The following NDUFA5 variants were observed in gnomAD, a reference collection of about 807,000 sequenced individuals.
NDUFA5 encodes NADH dehydrogenase [ubiquinone] 1 alpha subcomplex subunit 5.
NDUFA5 carries 11 observed loss-of-function variants against 19.8 expected under a neutral mutation model. The ratio of observed to expected loss-of-function variants is 0.56; its 90% CI spans 0.35 to 0.92. The LOEUF (loss-of-function observed/expected upper bound fraction) is 0.92. Among genes scored for constraint, NDUFA5 ranks in the 40% least tolerant of loss-of-function variants. NDUFA5 has a pLI of 0.01. For synonymous variants in NDUFA5, 47 were observed against 46.8 expected (o/e 1.00, Z -0.01); for missense variants, 109 against 134.2 (o/e 0.81, Z 0.93).
the NDUFA5 span, among the ~76,000 whole-genome samples, chr7:123,597,448 A>G: frequency 2.0e-5 from 3 of 152,184 alleles, no homozygotes; most frequent in South Asian, 2.1e-4. Flanking sequence ...AAACGTTATC[A>G]TAAGTATCTA....
intron 2 of NDUFA5, among the ~76,000 whole-genome samples, chr7:123,552,959 C>A (rs1243214983): frequency 6.6e-6 from 1 of 152,192 alleles, no homozygotes; most frequent in Non-Finnish European, 1.5e-5. Flanking sequence ...AGCTTTCTTG[C>A]AATGTATTTT....
the NDUFA5 span, among the ~76,000 whole-genome samples, chr7:123,583,938 C>T: frequency 2.0e-5 from 3 of 151,888 alleles, no homozygotes; most frequent in Admixed American, 6.6e-5. Flanking sequence ...TTGATACAGT[C>T]GATCACTCCT....
rs755752487 is a variant in NDUFA5 at position 123,557,432 on chromosome 7, CCCA to C, written c.35_37del (p.Val12del). On this transcript the variant is annotated inframe_deletion, in exon 2 of 5. Transcript: ENST00000355749. Reference sequence around the variant, plus strand: ...GTGAGGAGTATTGCACACAGCCAATCCCACAAGGCCAGTGGTCTGTTCAAAAAC... The same window carrying C: ...GTGAGGAGTATTGCACACAGCCAATCCAAGGCCAGTGGTCTGTTCAAAAAC... 9 of 1,612,724 alleles carry C rather than the reference CCCA, an allele frequency of 5.6e-6. No individual in the cohort carries two copies. Among genetic ancestry groups the C allele is most frequent in the Non-Finnish European group, 7.6e-6 (9 of 1,179,392 alleles).
At chr7:123,584,198 C>T in the NDUFA5 span, among the ~76,000 whole-genome samples, 2 of 149,622 alleles carry the variant, frequency 1.3e-5, no homozygotes, top group African/African-American at 4.9e-5. Context: ...TCAAATTTTA[C>T]ATGATCCAAA....
the NDUFA5 span, among the ~76,000 whole-genome samples, chr7:123,575,246 G>A: frequency 6.6e-6 from 1 of 151,734 alleles, no homozygotes; most frequent in East Asian, 1.9e-4. Flanking sequence ...TCCCTACTAG[G>A]AAAAAACAAT....
At chr7:123,559,672 A>G (rs537320993), upstream of NDUFA5, among the ~76,000 whole-genome samples, 1 of 152,202 alleles carries the variant, frequency 6.6e-6, no homozygotes, top group East Asian at 1.9e-4. Context: ...CCTGGCCAAC[A>G]TGACAAAACC....
At chr7:123,574,161 CT>C in the NDUFA5 span, among the ~76,000 whole-genome samples, 3 of 150,912 alleles carry the variant, frequency 2.0e-5, no homozygotes, top group Non-Finnish European at 4.4e-5. Flanking sequence ...GACATCTCTT[CT>C]TTTTTTATAT....
chr7:123,570,356 G>T, the NDUFA5 span, among the ~76,000 whole-genome samples: 9 of 152,134 alleles, frequency 5.9e-5, no homozygotes, highest in African/African-American at 2.2e-4. Context: ...CTTATAAGTG[G>T]TGAAAGGTAG....
At chr7:123,545,386 T>C (rs954984750) in intron 4 of NDUFA5, among the ~76,000 whole-genome samples, 1 of 152,090 alleles carries the variant, frequency 6.6e-6, no homozygotes, top group Non-Finnish European at 1.5e-5. Flanking sequence ...TAAAAGAGTG[T>C]CAAACTCCAG....
chr7:123,587,142 G>A, the NDUFA5 span, among the ~76,000 whole-genome samples: 1 of 151,580 alleles, frequency 6.6e-6, no homozygotes, highest in African/African-American at 2.4e-5. Context: ...GATTGAATCT[G>A]TAGATCACTT....
chr7:123,597,570 G>A, the NDUFA5 span, among the ~76,000 whole-genome samples: 16 of 152,096 alleles, frequency 1.1e-4, no homozygotes, highest in East Asian at 2.1e-3. Flanking sequence ...GGTGGCTCAC[G>A]CCTGTAATCC....
chr7:123,563,862 A>AT, the NDUFA5 span, among the ~76,000 whole-genome samples: 1 of 152,174 alleles, frequency 6.6e-6, no homozygotes, highest in Non-Finnish European at 1.5e-5. Context: ...ATTGAGATTT[A>AT]TGTTTAGATG....
At chr7:123,556,640 A>G (rs971010815) in intron 2 of NDUFA5, 5 of 307,870 alleles carry the variant, frequency 1.6e-5, no homozygotes, top group African/African-American at 1.1e-4. Context: ...TAGGTCAATG[A>G]AGGTGAGAAA....
the NDUFA5 span, among the ~76,000 whole-genome samples, chr7:123,584,304 T>G: frequency 3.4e-5 from 2 of 58,166 alleles, no homozygotes; most frequent in East Asian, 7.5e-4. Context: ...CAGAAAGGCC[T>G]TGTCAAAAAA....
At chr7:123,594,962 G>C in the NDUFA5 span, among the ~76,000 whole-genome samples, 1 of 152,130 alleles carries the variant, frequency 6.6e-6, no homozygotes, top group African/African-American at 2.4e-5. Context: ...CTTCCCTGCC[G>C]CTTTGTTTAC....
At chr7:123,552,826 C>T (rs1798402405) in intron 2 of NDUFA5, among the ~76,000 whole-genome samples, 1 of 152,186 alleles carries the variant, frequency 6.6e-6, no homozygotes, top group Admixed American at 6.5e-5. Context: ...TAGCTCATTG[C>T]AACCTAGGTG....
At position 123,541,877 on chromosome 7, in the gene NDUFA5, T is replaced by C. The variant is rs955241667; in HGVS notation, c.*242A>G. The C allele has an allele frequency of 3.9e-6, 1 of 254,236 alleles. No individual in the cohort carries two copies. The highest frequency in any genetic ancestry group is 2.2e-5 in the African/African-American group (1 of 44,778). 15.7% of individuals were successfully genotyped at this position (254,236 alleles called of 1,614,324 possible). A position where few individuals can be genotyped will look rare whatever the true frequency, so the allele number is the denominator to read the frequency against. On this transcript the variant is annotated 3_prime_UTR_variant, in exon 5 of 5. Transcript: ENST00000355749. ...GAATTTTTCTTTAATAATTTTCAAATCTTCCCATGGCCTCTCTGTTCACAG... is the reference window on the plus strand; with the variant it reads ...GAATTTTTCTTTAATAATTTTCAAACCTTCCCATGGCCTCTCTGTTCACAG...
chr7:123,581,386 A>G, the NDUFA5 span, among the ~76,000 whole-genome samples: 1 of 151,208 alleles, frequency 6.6e-6, no homozygotes. Flanking sequence ...GGGAGTGAAA[A>G]CAAAACATGA....
upstream of NDUFA5, among the ~76,000 whole-genome samples, chr7:123,558,607 T>A (rs935412408): frequency 7.2e-5 from 11 of 152,040 alleles, no homozygotes; most frequent in Admixed American, 1.3e-4. Flanking sequence ...TTCTAAAAAG[T>A]CAGTAGGAGA....
Sources: allele counts gnomAD v4.1 joint callset (sites outside exome capture counted in the v4.1 genomes callset), GRCh38; gene constraint gnomAD v4.1.1; transcripts MANE v1.5; gene names NCBI Gene and HGNC (gene_info 2026-07-23, HGNC 2026-07-21).